Variants in PLCXD3 observed in about 807,000 individuals in gnomAD.
PLCXD3 encodes the protein phosphatidylinositol specific phospholipase C X domain containing 3.
In PLCXD3, 19 loss-of-function variants were observed where a neutral mutation model predicts 25.5. The ratio of observed to expected loss-of-function variants is 0.75; its 90% CI spans 0.52 to 1.09. The LOEUF (loss-of-function observed/expected upper bound fraction) is 1.09. PLCXD3 is among the 50% of genes least tolerant of loss of function. PLCXD3 has a pLI of 0.00. For synonymous variants in PLCXD3, 174 were observed against 137.6 expected, an observed-to-expected ratio of 1.26 and a Z score of -1.85; for missense variants, 411 against 388.1, an observed-to-expected ratio of 1.06 and a Z score of -0.50.
At chr5:41,329,749 A>G (rs1213135341) in intron 2 of PLCXD3, among the ~76,000 whole-genome samples, 1 of 150,708 alleles carries the variant, frequency 6.6e-6, no homozygotes, top group Non-Finnish European at 1.5e-5. Context: ...TCATCTTTAT[A>G]AGAGTAAAGT....
At chr5:41,459,482 T>C (rs1561279597) in intron 1 of PLCXD3, among the ~76,000 whole-genome samples, 1 of 151,852 alleles carries the variant, frequency 6.6e-6, no homozygotes. Flanking sequence ...CAGCCTAATC[T>C]TGCTAATTTT....
chr5:41,509,145 C>T (rs777303152), intron 1 of PLCXD3, among the ~76,000 whole-genome samples: 3 of 152,098 alleles, frequency 2.0e-5, no homozygotes, highest in Admixed American at 1.3e-4. Flanking sequence ...TTCAAAATAA[C>T]CCTTCTTTTG....
At chr5:41,321,457 A>G (rs1244542212) in intron 2 of PLCXD3, among the ~76,000 whole-genome samples, 1 of 152,208 alleles carries the variant, frequency 6.6e-6, no homozygotes, top group Non-Finnish European at 1.5e-5. Context: ...AAAGTATACC[A>G]TGTTTATAGA....
chr5:41,326,371 C>T lies in PLCXD3; in HGVS notation c.813-12601G>A, dbSNP rs149473579. On this transcript the variant is annotated intron_variant, in intron 2 of 2. Transcript: ENST00000377801. ...ACAATGTTTCTCAAATTAATTTGAG[C>T]ATTATTATTCCTCTTCATGAACAAC... Among the ~76,000 whole-genome samples, 531 of 152,176 alleles carry T rather than the reference C, an allele frequency of 3.5e-3. 2 individuals are homozygous for T. The highest frequency in any genetic ancestry group is 0.012 in the African/African-American group (516 of 41,526).
intron 1 of PLCXD3, among the ~76,000 whole-genome samples, chr5:41,397,521 G>C (rs1011747626): frequency 6.6e-6 from 1 of 152,196 alleles, no homozygotes; most frequent in Admixed American, 6.5e-5. Flanking sequence ...TCCTAGTACA[G>C]GATAATCTGT....
At chr5:41,489,718 T>C (rs1387069975) in intron 1 of PLCXD3, among the ~76,000 whole-genome samples, 5 of 152,188 alleles carry the variant, frequency 3.3e-5, no homozygotes, top group African/African-American at 1.2e-4. Context: ...AGTTCACTCA[T>C]GATTTGGCTC....
intron 1 of PLCXD3, among the ~76,000 whole-genome samples, chr5:41,493,330 A>C (rs1205237392): frequency 6.6e-6 from 1 of 152,188 alleles, no homozygotes; most frequent in Non-Finnish European, 1.5e-5. Context: ...GTGAGGTGTC[A>C]GTCTGCCCCT....
In PLCXD3 at chr5:41,382,318, T is replaced by A; in HGVS notation, c.320A>T (p.Asp107Val). 6.2e-7 allele frequency: 1 copy of A among 1,613,582 alleles called. No homozygotes were observed. Among genetic ancestry groups the A allele is most frequent in the Non-Finnish European group, 8.5e-7 (1 of 1,179,724 alleles). The change falls in exon 2 of 3, where the codon GAC becomes GTC. Residue 107 changes from aspartate to valine, a missense_variant. Physicochemically the swap from Asp to Val is radical, Grantham distance 152 (BLOSUM62 -3). Coordinates refer to ENST00000377801, the MANE Select transcript of PLCXD3 (RefSeq NM_001005473.3). ...ACCATGAGCAAAATAGAGTTCATTG[T>A]CGGGGTCTCTGGGCTTGGTGGAAAT... ...LRISTKPRDPDNELYFAHGLF... is the reference protein window; with the variant it reads ...LRISTKPRDPVNELYFAHGLF...
chr5:41,434,372 G>C (rs1251523642), intron 1 of PLCXD3, among the ~76,000 whole-genome samples: 1 of 152,180 alleles, frequency 6.6e-6, no homozygotes, highest in African/African-American at 2.4e-5. Flanking sequence ...CACTGCATTG[G>C]AAAGCGAGGA....
chr5:41,326,231 TA>T (rs1324912086), intron 2 of PLCXD3, among the ~76,000 whole-genome samples: 1 of 152,188 alleles, frequency 6.6e-6, no homozygotes, highest in African/African-American at 2.4e-5. Flanking sequence ...GTGCTACCTG[TA>T]ACTTCCTAGG....
At chr5:41,446,679 G>T (rs1481580788) in intron 1 of PLCXD3, among the ~76,000 whole-genome samples, 1 of 152,052 alleles carries the variant, frequency 6.6e-6, no homozygotes, top group Non-Finnish European at 1.5e-5. Flanking sequence ...CAGTCATGTG[G>T]TGAGCCTGGA....
rs1355640206 is a variant in PLCXD3 at position 41,381,997 on chromosome 5, G to T, written c.641C>A (p.Ala214Glu). 3.1e-6 allele frequency: 5 copies of T among 1,613,420 alleles called. No individual in the cohort carries two copies. The highest frequency in any genetic ancestry group is 4.2e-6 in the Non-Finnish European group (5 of 1,179,752). Residue 214 changes from alanine to glutamate, a missense_variant, in exon 2 of 3, where the codon GCA (alanine) becomes GAA (glutamate). Transcript: ENST00000377801. ...GGGGTCTGTGGTGTTGGCCCAGGGT[G>T]CTGGCATCATCTGCCCAGGCCAGAG... Reference protein sequence around the residue: ...PFLWPGQMMPAPWANTTDPEK... With the variant: ...PFLWPGQMMPEPWANTTDPEK...
At chr5:41,334,246 A>T (rs1043373114) in intron 2 of PLCXD3, among the ~76,000 whole-genome samples, 1 of 151,082 alleles carries the variant, frequency 6.6e-6, no homozygotes, top group Non-Finnish European at 1.5e-5. Flanking sequence ...TAAGATTAGC[A>T]ATGATAATAC....
chr5:41,412,247 T>C (rs1364322788), intron 1 of PLCXD3, among the ~76,000 whole-genome samples: 1 of 152,150 alleles, frequency 6.6e-6, no homozygotes, highest in African/African-American at 2.4e-5. Context: ...AACATCAATG[T>C]TTTTCCGTAG....
rs1743166316 is a variant in PLCXD3 at position 41,312,685 on chromosome 5, T to TTTCTTCCTTTCCTTCC, written c.*931_*932insGGAAGGAAAGGAAGAA. 9.6e-6 allele frequency: 1 copy of TTTCTTCCTTTCCTTCC among 104,678 alleles called. No homozygotes were observed. Among genetic ancestry groups the TTTCTTCCTTTCCTTCC allele is most frequent in the Non-Finnish European group, 1.9e-5 (1 of 51,288 alleles). 6.5% of individuals were successfully genotyped at this position (104,678 alleles called of 1,614,324 possible). On this transcript the variant is annotated 3_prime_UTR_variant, in exon 3 of 3. Transcript: ENST00000377801. ...CTTCCTCCCTCCCTTCCTTTCTTCC[T>TTTCTTCCTTTCCTTCC]TTCCTTCCTTCCTTCCTTCCTTCCT...
At chr5:41,495,233 C>T (rs1748808092) in intron 1 of PLCXD3, among the ~76,000 whole-genome samples, 1 of 152,198 alleles carries the variant, frequency 6.6e-6, no homozygotes, top group African/African-American at 2.4e-5. Flanking sequence ...AACATTCTGA[C>T]TTTTGGAGAA....
intron 2 of PLCXD3, among the ~76,000 whole-genome samples, chr5:41,351,746 G>T (rs959143263): frequency 6.6e-6 from 1 of 152,150 alleles, no homozygotes; most frequent in Non-Finnish European, 1.5e-5. Context: ...CAATGAATAA[G>T]AAATATTAAT....
chr5:41,502,724 G>A (rs760713413), intron 1 of PLCXD3, among the ~76,000 whole-genome samples: 13 of 152,146 alleles, frequency 8.5e-5, no homozygotes, highest in East Asian at 1.9e-4. Flanking sequence ...ATCCATTGAA[G>A]TTTTCTGGGA....
In PLCXD3 at chr5:41,398,211, A is replaced by T. The variant is rs1746068849; in HGVS notation, c.104-15677T>A. Among the ~76,000 whole-genome samples, 5 of 152,192 alleles carry T rather than the reference A, an allele frequency of 3.3e-5. No individual in the cohort carries two copies. In the South Asian group the frequency reaches 1.0e-3, roughly 31 times the overall value. ...TTATGTTGAAATGTAACCCCCAGTGATGGGGAAGAGACCTGGTGGGAGATA... is the reference window on the plus strand; with the variant it reads ...TTATGTTGAAATGTAACCCCCAGTGTTGGGGAAGAGACCTGGTGGGAGATA... On this transcript the variant is annotated intron_variant, in intron 1 of 2. Transcript: ENST00000377801.
Sources: gnomAD v4.1 joint callset for allele counts (sites outside exome capture counted in the v4.1 genomes callset) on GRCh38, gnomAD v4.1.1 for gene constraint, MANE v1.5 for transcripts, NCBI Gene and HGNC (gene_info 2026-07-23, HGNC 2026-07-21) for gene names.